Variants in QSOX2 observed in about 807,000 individuals in gnomAD.
The protein encoded by QSOX2 is quiescin sulfhydryl oxidase 2.
In QSOX2, 46 loss-of-function variants were observed where a neutral mutation model predicts 61.7. The ratio of observed to expected loss-of-function variants is 0.75; its 90% CI spans 0.59 to 0.95. The LOEUF is 0.95. Among genes scored for constraint, QSOX2 ranks in the 40% least tolerant of loss-of-function variants. The pLI, the probability that QSOX2 is intolerant of heterozygous loss-of-function variation, is 0.00. For synonymous variants in QSOX2, 383 were observed against 388.4 expected (o/e 0.99, Z 0.16); for missense variants, 879 against 918.9 (o/e 0.96, Z 0.56).
chr9:136,223,106 G>T lies in QSOX2; in HGVS notation c.675+657C>A, dbSNP rs534311353. 1.3e-5 allele frequency among the ~76,000 whole-genome samples: 2 copies of T among 152,174 alleles called. No homozygotes were observed. The highest frequency in any genetic ancestry group is 4.8e-5 in the African/African-American group (2 of 41,446). On this transcript the variant is annotated intron_variant, in intron 5 of 11. Coordinates refer to ENST00000358701, the MANE Select transcript of QSOX2 (RefSeq NM_181701.4). The surrounding 1 kb of genome is among the most constrained non-coding windows in gnomAD (Gnocchi z 4.4). ...GGCAAAGCTGTTTCCTACATTCACC[G>T]CAAGGCCCCTCACAGTGGACAGAAA...
intron 1 of QSOX2, 80 bp from the exon 2 acceptor site, chr9:136,226,954 G>A: frequency 8.1e-7 from 1 of 1,229,704 alleles, no homozygotes; most frequent in Non-Finnish European, 1.2e-6. Context: ...CCCCACTCCA[G>A]GCTGCGGCCA....
intron 1 of QSOX2, among the ~76,000 whole-genome samples, chr9:136,242,047 T>C (rs1260689243): frequency 6.6e-6 from 1 of 152,228 alleles, no homozygotes; most frequent in East Asian, 1.9e-4. Flanking sequence ...CAACCATCAC[T>C]GCCAGGCAGA....
intron 2 of QSOX2, among the ~76,000 whole-genome samples, chr9:136,225,193 C>T (rs1420232549): frequency 6.6e-6 from 1 of 152,204 alleles, no homozygotes; most frequent in Non-Finnish European, 1.5e-5. Flanking sequence ...GGGCTGGAAT[C>T]ATAAAAGACA....
Position 136,245,776 on chromosome 9 carries a change from G to A in QSOX2, c.28C>T (p.Arg10Cys), listed in dbSNP as rs1157858474. The change falls in exon 1 of 12, where the codon CGC (arginine) becomes TGC (cysteine). Residue 10 changes from arginine (R) to cysteine (C), a missense_variant. Transcript: ENST00000358701. ...GGTCCCGCTCCGATTCCCGGGCTGC[G>A]CGCCACCGCCGCCCCGGCCGCCGCC... MAAAGAAVA[R>C]SPGIGAGPAL... The A allele has an allele frequency of 1.7e-6, 2 of 1,156,576 alleles. No individual in the cohort carries two copies. The highest frequency in any genetic ancestry group is 2.1e-6 in the Non-Finnish European group (2 of 937,064). The allele number at this position is 1,156,576 out of a possible 1,614,324, so 71.6% of individuals were successfully genotyped here.
At chr9:136,210,404 A>G (rs1831830633) in intron 11 of QSOX2, 1 of 985,336 alleles carries the variant, frequency 1.0e-6, no homozygotes, top group African/African-American at 1.7e-5. Context: ...CACAGGTAGC[A>G]GCAGGGGCTC....
chr9:136,232,917 C>CAAAAAA (rs60814748), intron 1 of QSOX2, among the ~76,000 whole-genome samples: 13 of 45,398 alleles, frequency 2.9e-4, no homozygotes, highest in South Asian at 2.1e-3. Context: ...GAACCTGTCT[C>CAAAAAA]AAAAAAAAAA....
In QSOX2 at chr9:136,226,775, CG is replaced by C. The variant is rs1830286461; in HGVS notation, c.427del (p.Arg143GlyfsTer30). On this transcript the variant is annotated frameshift_variant and splice_region_variant, in exon 2 of 12. Coordinates refer to ENST00000358701, the MANE Select transcript of QSOX2 (RefSeq NM_181701.4). LOFTEE classifies it high-confidence loss of function. ...GACAAGCAGCCGCGTGATACTCACC[CG>C]GAAGGTGGGGTAGAAGTGGATGTCG... ...DYDIHFYPTF[R>X]YFKAFTKEFT... 1 of 1,612,874 alleles carries C rather than the reference CG, an allele frequency of 6.2e-7. No homozygotes were observed. Among genetic ancestry groups the C allele is most frequent in the Admixed American group, 1.7e-5 (1 of 60,016 alleles).
intron 1 of QSOX2, among the ~76,000 whole-genome samples, chr9:136,231,933 C>T (rs1362468128): frequency 1.9e-4 from 27 of 144,064 alleles, no homozygotes; most frequent in African/African-American, 7.5e-4. Context: ...CTCTCCGCCT[C>T]CTCCGCAGGT....
chr9:136,239,449 T>C (rs1343461770), intron 1 of QSOX2, among the ~76,000 whole-genome samples: 2 of 152,238 alleles, frequency 1.3e-5, no homozygotes, highest in South Asian at 2.1e-4. Context: ...CCTTGTTTTA[T>C]TTGTCTTCCT....
rs536847801 is a variant in QSOX2, at chr9:136,241,620, C to T, written c.328+3856G>A. Among the ~76,000 whole-genome samples the T allele has an allele frequency of 1.6e-4, 24 of 152,316 alleles. No individual in the cohort carries two copies. In the South Asian group the frequency reaches 3.1e-3, roughly 20 times the overall value. On this transcript the variant is annotated intron_variant, in intron 1 of 11. Transcript: ENST00000358701. ...GTCACCCACACCTGGACACCCATCC[C>T]GGCCTGTCACTCAGCTGCGTGACCG...
rs374042823 is a variant in QSOX2 at position 136,218,732 on chromosome 9, G to A, written c.1033C>T (p.Leu345=). The A allele has an allele frequency of 7.4e-6, 12 of 1,613,640 alleles. No homozygotes were observed. The Middle Eastern group carries it at 4.9e-4, about 66-fold the overall frequency. ...LRVELAAHKS[L]AGAELKTLKD... is the part of the protein sequence containing the mutation. ...AGCGTCTTCAGCTCTGCTCCGGCCA[G>A]GGACTTGTGGGCTGCCAGCTCCACC... is the stretch of plus-strand genomic sequence containing the variant. Residue 345 remains leucine, a synonymous_variant, in exon 8 of 12, where the codon CTG becomes TTG. Transcript: ENST00000358701.
rs1830220763 is a variant in QSOX2 at position 136,222,014 on chromosome 9, T to C, written c.676-73A>G. 2.1e-6 allele frequency: 3 copies of C among 1,449,280 alleles called. No homozygotes were observed. The highest frequency in any genetic ancestry group is 2.5e-5 in the East Asian group (1 of 39,908). The allele number at this position is 1,449,280 out of a possible 1,614,324, so 89.8% of individuals were successfully genotyped here. ...TCAGAAAACACGACGTGCAGACACA[T>C]GGCCTTGCAGGGAACCTTTCACAAA... On this transcript the variant is annotated intron_variant, in intron 5 of 11. Transcript: ENST00000358701. The surrounding 1 kb of genome is among the most constrained non-coding windows in gnomAD (Gnocchi z 6.9).
At position 136,223,689 on chromosome 9, in the gene QSOX2, A is replaced by G. The variant is rs1588636340; in HGVS notation, c.675+74T>C. 8.5e-7 allele frequency: 1 copy of G among 1,181,414 alleles called. No individual in the cohort carries two copies. Among genetic ancestry groups the G allele is most frequent in the Non-Finnish European group, 1.2e-6 (1 of 804,958 alleles). 73.2% of individuals were successfully genotyped at this position (1,181,414 alleles called of 1,614,324 possible). On this transcript the variant is annotated intron_variant, in intron 5 of 11. Transcript: ENST00000358701. This position sits in a 1 kb window ranked among gnomAD's most constrained non-coding sequence, Gnocchi z 4.4. ...TGCCGACACAGTGACCGGCACCTGC[A>G]AATCTCATCACAGATCCACCGCCAA... is the stretch of plus-strand genomic sequence containing the variant.
chr9:136,228,254 G>A (rs555100032), intron 1 of QSOX2, among the ~76,000 whole-genome samples: 6 of 152,252 alleles, frequency 3.9e-5, no homozygotes, highest in South Asian at 2.1e-4. Flanking sequence ...AAATGGTGAC[G>A]TGTCATCTCT....
At chr9:136,242,656 ATGACAGACAGGGAGCCAGG>A (rs1392016399) in intron 1 of QSOX2, among the ~76,000 whole-genome samples, 1 of 152,262 alleles carries the variant, frequency 6.6e-6, no homozygotes, top group Non-Finnish European at 1.5e-5. Flanking sequence ...CCACGCAGGG[ATGACAGACAGGGAGCCAGG>A]CGCCAAGCAG....
In QSOX2 at chr9:136,231,794, C is replaced by T. The variant is rs566435485; in HGVS notation, c.329-4920G>A. Among the ~76,000 whole-genome samples the T allele has an allele frequency of 2.7e-4, 41 of 152,360 alleles. No homozygotes were observed. The South Asian group carries it at 8.3e-3, about 31-fold the overall frequency. Reference sequence around the variant, plus strand: ...AAGGCTGTGGTGTGAATGTCACCGCCCCTACTTGGCAGATGAGGACACCGA... The same window carrying T: ...AAGGCTGTGGTGTGAATGTCACCGCTCCTACTTGGCAGATGAGGACACCGA... On this transcript the variant is annotated intron_variant, in intron 1 of 11. Coordinates refer to ENST00000358701, the MANE Select transcript of QSOX2 (RefSeq NM_181701.4).
chr9:136,209,070 G>A lies in QSOX2; in HGVS notation c.1755C>T (p.Ala585=), dbSNP rs200726283. ...QGDSSEGGTL[A]RGEEEEKRLT... ...GTCTTTTCTCCTCTTCCTCACCCCT[G>A]GCCAGGGTTCCTCCTTCACTGGAAT... The change falls in exon 12 of 12, where the codon GCC becomes GCT. Residue 585 remains alanine (A), a synonymous_variant. Transcript: ENST00000358701. This position sits in a 1 kb window ranked among gnomAD's most constrained non-coding sequence, Gnocchi z 5.6. The A allele has an allele frequency of 4.0e-5, 64 of 1,614,140 alleles. 1 individual carries two copies. In the East Asian group the frequency reaches 1.4e-3, roughly 35 times the overall value.
intron 1 of QSOX2, among the ~76,000 whole-genome samples, chr9:136,230,385 AAC>A (rs1830319476): frequency 6.6e-6 from 1 of 152,222 alleles, no homozygotes; most frequent in Non-Finnish European, 1.5e-5. Flanking sequence ...TGCAGTAAAC[AAC>A]TCTGTAACAC....
At chr9:136,243,198 CTGACA>C (rs1830446545) in intron 1 of QSOX2, among the ~76,000 whole-genome samples, 1 of 152,210 alleles carries the variant, frequency 6.6e-6, no homozygotes, top group African/African-American at 2.4e-5. Context: ...ATTTATTTCC[CTGACA>C]TATTTGAAAT....
Sources: gnomAD v4.1 joint callset for allele counts (sites outside exome capture counted in the v4.1 genomes callset) on GRCh38, gnomAD v4.1.1 for gene constraint, Gnocchi (gnomAD v3.1) non-coding constraint, MANE v1.5 for transcripts, NCBI Gene and HGNC (gene_info 2026-07-23, HGNC 2026-07-21) for gene names.